Variants in ZNF536 observed in about 807,000 individuals in gnomAD.
The protein encoded by ZNF536 is zinc finger protein 536.
Under a neutral mutation model 84.5 loss-of-function variants are expected in ZNF536, and 13 were observed. The observed-to-expected ratio is 0.15, with a 90% CI of 0.10 to 0.24. The LOEUF is 0.24. ZNF536 is among the 10% of genes least tolerant of loss of function. The pLI is 1.00. For missense variants in ZNF536, 1,536 were observed against 1,747.5 expected (o/e 0.88, Z 2.16); for synonymous variants, 811 against 742.5 (o/e 1.09, Z -1.50).
chr19:30,257,098 T>A (rs941434296), intron 1 of ZNF536, among the ~76,000 whole-genome samples: 1 of 152,208 alleles, frequency 6.6e-6, no homozygotes, highest in African/African-American at 2.4e-5. Flanking sequence ...ATTCTGTTGA[T>A]CTTTTATAAA....
chr19:30,624,139 G>A lies in ZNF536; in HGVS notation c.169+74625G>A, dbSNP rs138210048. Among the ~76,000 whole-genome samples the A allele has an allele frequency of 1.7e-3, 259 of 152,274 alleles. 1 individual carries two copies. The highest frequency in any genetic ancestry group is 5.7e-3 in the African/African-American group (239 of 41,566). On this transcript the variant is annotated intron_variant, in intron 1 of 1. Transcript: ENST00000592773. ...GGTATGCCTTGGGAGCCCTATAATA[G>A]CATAGTAGTCAGGTGGATGGGTCCA...
At chr19:30,412,802 A>G (rs958287748) in intron 1 of ZNF536, among the ~76,000 whole-genome samples, 1 of 151,938 alleles carries the variant, frequency 6.6e-6, no homozygotes, top group Admixed American at 6.6e-5. Flanking sequence ...GAGATGGTTT[A>G]TATACAGAGA....
chr19:30,461,991 AAGG>A (rs1229008846), intron 2 of ZNF536, among the ~76,000 whole-genome samples: 1 of 152,166 alleles, frequency 6.6e-6, no homozygotes, highest in East Asian at 1.9e-4. Context: ...GAAAGAGAAG[AAGG>A]AGATCTCTAA....
At chr19:30,610,773 T>TG (rs990885354) in intron 1 of ZNF536, among the ~76,000 whole-genome samples, 11 of 151,520 alleles carry the variant, frequency 7.3e-5, no homozygotes, top group African/African-American at 2.4e-4. Context: ...TGGAGGCGGG[T>TG]GGGGGGGATG....
chr19:30,577,708 C>T (rs377418660), intron 1 of ZNF536, among the ~76,000 whole-genome samples: 1 of 152,296 alleles, frequency 6.6e-6, no homozygotes, highest in African/African-American at 2.4e-5. Context: ...ACCTAATTTT[C>T]ATTCAGTGCT....
intron 1 of ZNF536, among the ~76,000 whole-genome samples, chr19:30,377,152 A>T (rs1039106901): frequency 6.6e-6 from 1 of 152,174 alleles, no homozygotes; most frequent in South Asian, 2.1e-4. Flanking sequence ...CTGTCTCCAG[A>T]CTTGCCCACT....
intron 2 of ZNF536, among the ~76,000 whole-genome samples, chr19:30,321,790 T>C (rs1055270177): frequency 6.6e-6 from 1 of 151,236 alleles, no homozygotes; most frequent in African/African-American, 2.4e-5. Context: ...TCTTTTTTTT[T>C]TTTCTGAGAC....
chr19:30,698,117 C>A (rs933293133), intron 1 of ZNF536, among the ~76,000 whole-genome samples: 8 of 152,092 alleles, frequency 5.3e-5, no homozygotes, highest in African/African-American at 1.9e-4. Context: ...CATGGTGAAA[C>A]CCAGTCTCTA....
intron 1 of ZNF536, among the ~76,000 whole-genome samples, chr19:30,237,489 A>G (rs998168818): frequency 6.6e-6 from 1 of 152,194 alleles, no homozygotes; most frequent in Non-Finnish European, 1.5e-5. Context: ...ACGTGAAGGT[A>G]TTTATGATCA....
intron 1 of ZNF536, among the ~76,000 whole-genome samples, chr19:30,643,315 T>C (rs572066171): frequency 6.6e-6 from 1 of 152,180 alleles, no homozygotes; most frequent in South Asian, 2.1e-4. Context: ...TAATTGGAGG[T>C]GGATGTGAGA....
At chr19:30,360,895 T>A (rs191368259) in intron 3 of ZNF536, among the ~76,000 whole-genome samples, 6 of 152,380 alleles carry the variant, frequency 3.9e-5, no homozygotes, top group Admixed American at 3.9e-4. Flanking sequence ...GCTGCCCTGT[T>A]CGCCAGGGCT....
rs1442900529 is a variant in ZNF536 at position 30,567,008 on chromosome 19, G to A, written c.169+17494G>A. On this transcript the variant is annotated intron_variant, in intron 1 of 1. Coordinates refer to the ZNF536 transcript ENST00000592773. ...GCCTCTCTGGGTAGTGGCGGTCCCC[G>A]CGTGTGGCCTCTCCGGGTAGTGGCG... is the stretch of plus-strand genomic sequence containing the variant. 9.2e-5 allele frequency among the ~76,000 whole-genome samples: 14 copies of A among 151,396 alleles called. No individual in the cohort carries two copies. In the South Asian group the frequency reaches 2.3e-3, roughly 25 times the overall value.
At chr19:30,243,061 G>A (rs1445719463) in intron 1 of ZNF536, among the ~76,000 whole-genome samples, 1 of 152,030 alleles carries the variant, frequency 6.6e-6, no homozygotes, top group Non-Finnish European at 1.5e-5. Context: ...GGAAACAAAT[G>A]TATGACTTTT....
intron 1 of ZNF536, among the ~76,000 whole-genome samples, chr19:30,440,881 G>GGATAGATA (rs56021291): frequency 5.0e-4 from 73 of 145,672 alleles, no homozygotes; most frequent in East Asian, 1.4e-3. Flanking sequence ...ACTCTGGCCA[G>GGATAGATA]GATAGATAGA....
At chr19:30,492,657 G>C (rs985409155) in intron 2 of ZNF536, among the ~76,000 whole-genome samples, 1 of 152,162 alleles carries the variant, frequency 6.6e-6, no homozygotes, top group Non-Finnish European at 1.5e-5. Flanking sequence ...ACGTATCCAC[G>C]AGACCACTGC....
chr19:30,410,231 T>G (rs2050422364), intron 1 of ZNF536, among the ~76,000 whole-genome samples: 1 of 152,048 alleles, frequency 6.6e-6, no homozygotes, highest in African/African-American at 2.4e-5. Flanking sequence ...ATTTTAAATA[T>G]AAATTTCTAA....
chr19:30,347,503 A>G (rs977211165), intron 2 of ZNF536, among the ~76,000 whole-genome samples: 2 of 152,226 alleles, frequency 1.3e-5, no homozygotes, highest in Admixed American at 6.5e-5. Context: ...ATGGGGTGCC[A>G]GGGCCATGAG....
chr19:30,380,774 T>G (rs989792009), intron 1 of ZNF536, among the ~76,000 whole-genome samples: 2 of 152,254 alleles, frequency 1.3e-5, no homozygotes, highest in African/African-American at 4.8e-5. Flanking sequence ...GTCTGGCTGC[T>G]TCTCAGCAAG....
intron 2 of ZNF536, among the ~76,000 whole-genome samples, chr19:30,534,215 T>C (rs1440954867): frequency 6.6e-6 from 1 of 152,250 alleles, no homozygotes; most frequent in East Asian, 1.9e-4. Flanking sequence ...CATATGACTT[T>C]GAATATGTCA....
Sources: gnomAD v4.1 joint callset for allele counts (sites outside exome capture counted in the v4.1 genomes callset) on GRCh38, gnomAD v4.1.1 for gene constraint, MANE v1.5 for transcripts, NCBI Gene and HGNC (gene_info 2026-07-23, HGNC 2026-07-21) for gene names.